CTNNA2: variants seen among roughly 807,000 people sequenced by gnomAD.
CTNNA2 encodes the protein catenin alpha-2.
A neutral mutation model predicts 101.0 loss-of-function variants in CTNNA2; 42 were observed. The observed-to-expected ratio is 0.42, with a 90% CI of 0.32 to 0.54. The LOEUF (loss-of-function observed/expected upper bound fraction) is 0.54, where lower values mean the gene tolerates loss of function less well. Among genes scored for constraint, CTNNA2 ranks in the 20% least tolerant of loss-of-function variants. The probability of loss-of-function intolerance (pLI) is 0.14; values close to 1 mark genes in which losing one functional copy is unlikely to be tolerated. For synonymous variants in CTNNA2, 450 were observed against 456.4 expected (o/e 0.99, Z 0.18); for missense variants, 871 against 1,223.1 (o/e 0.71, Z 4.29).
chr2:79,260,651 G>T (rs1240708960), intron 2 of CTNNA2, among the ~76,000 whole-genome samples: 1 of 152,084 alleles, frequency 6.6e-6, no homozygotes, highest in African/African-American at 2.4e-5. Context: ...TTTGTCTTCA[G>T]GTTCGCACAT....
chr2:79,349,026 T>G (rs772344785), intron 3 of CTNNA2, among the ~76,000 whole-genome samples: 35 of 152,324 alleles, frequency 2.3e-4, no homozygotes, highest in Admixed American at 7.2e-4. Flanking sequence ...AATATTAAGA[T>G]AGAAGTCATG....
chr2:79,344,150 C>A (rs1260364799), intron 3 of CTNNA2, among the ~76,000 whole-genome samples: 1 of 146,044 alleles, frequency 6.8e-6, no homozygotes, highest in Non-Finnish European at 1.5e-5. Flanking sequence ...AGGCATTGCC[C>A]AGTGAATTGT....
intron 2 of CTNNA2, among the ~76,000 whole-genome samples, chr2:79,274,715 T>C (rs975654726): frequency 2.0e-5 from 3 of 152,062 alleles, no homozygotes; most frequent in Non-Finnish European, 2.9e-5. Flanking sequence ...TTTTAAAACA[T>C]CACTTTTAAT....
intron 7 of CTNNA2, among the ~76,000 whole-genome samples, chr2:80,126,363 T>C (rs1401873845): frequency 6.6e-6 from 1 of 151,952 alleles, no homozygotes; most frequent in South Asian, 2.1e-4. Context: ...ATCCTCCCCA[T>C]AGAGTGAAAG....
chr2:79,357,113 G>T (rs1490113491), intron 3 of CTNNA2, among the ~76,000 whole-genome samples: 2 of 152,136 alleles, frequency 1.3e-5, no homozygotes, highest in African/African-American at 4.8e-5. Context: ...GGTCATTTGA[G>T]CCCAGGAGTT....
chr2:80,400,939 C>T (rs1678493372), intron 8 of CTNNA2, among the ~76,000 whole-genome samples: 1 of 152,170 alleles, frequency 6.6e-6, no homozygotes, highest in Admixed American at 6.5e-5. Flanking sequence ...GATCCTTCTG[C>T]CTTTGCACTT....
At chr2:79,598,259 C>A (rs1347669720) in intron 1 of CTNNA2, among the ~76,000 whole-genome samples, 2 of 152,276 alleles carry the variant, frequency 1.3e-5, no homozygotes, top group Non-Finnish European at 1.5e-5. Context: ...ACAAATAAAG[C>A]TGCTATAAAC....
intron 7 of CTNNA2, among the ~76,000 whole-genome samples, chr2:80,103,837 T>A (rs1700705740): frequency 6.6e-6 from 1 of 152,196 alleles, no homozygotes; most frequent in South Asian, 2.1e-4. Context: ...CGGGTTCAAG[T>A]GATTCTCTCG....
chr2:80,040,054 A>G (rs762460104), intron 7 of CTNNA2, among the ~76,000 whole-genome samples: 1 of 152,226 alleles, frequency 6.6e-6, no homozygotes, highest in Non-Finnish European at 1.5e-5. Flanking sequence ...TGATCTTTCT[A>G]CATGTCAAAG....
At chr2:79,277,904 C>G (rs970672809) in intron 2 of CTNNA2, among the ~76,000 whole-genome samples, 1 of 152,062 alleles carries the variant, frequency 6.6e-6, no homozygotes, top group Non-Finnish European at 1.5e-5. Context: ...CTCCAAAGCC[C>G]TCTAGAGGTT....
At chr2:80,353,325 C>CTACCATTT (rs1339424211) in intron 7 of CTNNA2, among the ~76,000 whole-genome samples, 19 of 152,196 alleles carry the variant, frequency 1.2e-4, no homozygotes, top group African/African-American at 4.6e-4. Flanking sequence ...CCAAGAACTA[C>CTACCATTT]TACCATTTTC....
chr2:79,317,210 A>C (rs7598028), intron 3 of CTNNA2, among the ~76,000 whole-genome samples: 140,589 of 152,036 alleles, frequency 0.92, 65,188 homozygotes, highest in East Asian at 1. Context: ...TGCATTCCAT[A>C]AAATGATTTT....
chr2:80,367,192 G>A (rs1313002938), intron 7 of CTNNA2, among the ~76,000 whole-genome samples: 6 of 152,096 alleles, frequency 3.9e-5, no homozygotes, highest in Non-Finnish European at 8.8e-5. Context: ...TTCACATTGC[G>A]TAGAAAAACG....
chr2:80,572,145 G>A (rs548829631), intron 12 of CTNNA2, among the ~76,000 whole-genome samples: 2 of 152,078 alleles, frequency 1.3e-5, no homozygotes, highest in Non-Finnish European at 2.9e-5. Context: ...GTACCATTGT[G>A]TCTGCATGCT....
intron 7 of CTNNA2, among the ~76,000 whole-genome samples, chr2:79,920,007 A>C (rs1003679814): frequency 1.3e-5 from 2 of 152,070 alleles, no homozygotes; most frequent in Admixed American, 6.6e-5. Flanking sequence ...ACCTGAGGTC[A>C]GGAGTTCGAG....
intron 2 of CTNNA2, among the ~76,000 whole-genome samples, chr2:79,716,160 G>C (rs1686089382): frequency 6.6e-6 from 1 of 152,070 alleles, no homozygotes; most frequent in Admixed American, 6.6e-5. Context: ...TTGTGGGAGA[G>C]GGCAGGATGG....
chr2:80,396,833 T>G (rs1678060681), intron 8 of CTNNA2, among the ~76,000 whole-genome samples: 1 of 152,200 alleles, frequency 6.6e-6, no homozygotes, highest in Non-Finnish European at 1.5e-5. Context: ...TTCTTATTCC[T>G]TCACCCTTAC....
chr2:79,757,339 G>A (rs1468650313), intron 3 of CTNNA2, among the ~76,000 whole-genome samples: 3 of 152,118 alleles, frequency 2.0e-5, no homozygotes, highest in East Asian at 1.9e-4. Context: ...TGTGAGTGCC[G>A]AACTATTCTT....
chr2:80,609,395 C>T (rs973387636), intron 17 of CTNNA2, among the ~76,000 whole-genome samples: 5 of 151,740 alleles, frequency 3.3e-5, no homozygotes, highest in Non-Finnish European at 5.9e-5. Context: ...TGCATAGAGA[C>T]ACCATCTGGA....
Sources: allele counts gnomAD v4.1 joint callset (sites outside exome capture counted in the v4.1 genomes callset), GRCh38; gene constraint gnomAD v4.1.1; transcripts MANE v1.5; gene names NCBI Gene and HGNC (gene_info 2026-07-23, HGNC 2026-07-21).